The following CENPP variants were observed in gnomAD, a reference collection of about 807,000 sequenced individuals.
The protein encoded by CENPP is centromere protein P.
In CENPP, 24 loss-of-function variants were observed where a neutral mutation model predicts 35.6. The observed-to-expected ratio is 0.67, with a 90% CI of 0.49 to 0.95. The LOEUF is 0.95. Ranked by LOEUF, CENPP falls within the 40% of genes least tolerant of loss-of-function variation. The pLI, the probability that CENPP is intolerant of heterozygous loss-of-function variation, is 0.00. For missense variants in CENPP, 332 were observed against 345.3 expected (o/e 0.96, Z 0.31); for synonymous variants, 120 against 125.5 (o/e 0.96, Z 0.29).
chr9:92,466,375 T>C, intron 5 of CENPP: 1 of 1,603,818 alleles, frequency 6.2e-7, no homozygotes, highest in Non-Finnish European at 8.5e-7. Context: ...GTGTAAAGCA[T>C]TCATTCCTTT....
intron 1 of CENPP, among the ~76,000 whole-genome samples, chr9:92,331,955 A>G (rs961455682): frequency 1.3e-5 from 2 of 152,188 alleles, no homozygotes; most frequent in African/African-American, 4.8e-5. Flanking sequence ...TCTCTTAAAA[A>G]GGAAGAAAGA....
chr9:92,475,597 T>C (rs1845687128), intron 5 of CENPP, among the ~76,000 whole-genome samples: 2 of 152,220 alleles, frequency 1.3e-5, no homozygotes, highest in Non-Finnish European at 2.9e-5. Flanking sequence ...AATCTTTCTA[T>C]TGCCTTAATG....
At chr9:92,423,166 A>C (rs540832461) in intron 5 of CENPP, among the ~76,000 whole-genome samples, 1 of 152,312 alleles carries the variant, frequency 6.6e-6, no homozygotes, top group Admixed American at 6.5e-5. Context: ...TCTATTGAAT[A>C]TTTCTTCATC....
At chr9:92,483,820 C>A (rs142478869) in intron 5 of CENPP, among the ~76,000 whole-genome samples, 174 of 152,316 alleles carry the variant, frequency 1.1e-3, no homozygotes, top group African/African-American at 3.9e-3. Context: ...TAAAGTACTC[C>A]TCCTTGGACC....
intron 5 of CENPP, chr9:92,474,895 C>T: frequency 6.2e-7 from 1 of 1,610,564 alleles, no homozygotes; most frequent in Non-Finnish European, 8.5e-7. Flanking sequence ...CATACTCCTT[C>T]ATGGTGTCTT....
intron 4 of CENPP, among the ~76,000 whole-genome samples, chr9:92,365,287 T>C (rs1300611788): frequency 6.6e-6 from 1 of 152,070 alleles, no homozygotes; most frequent in East Asian, 1.9e-4. Context: ...TCATTGAGAA[T>C]GTGACCTAGG....
At chr9:92,341,117 A>C (rs566601181) in intron 3 of CENPP, among the ~76,000 whole-genome samples, 1 of 152,260 alleles carries the variant, frequency 6.6e-6, no homozygotes, top group East Asian at 1.9e-4. Flanking sequence ...AATATACTCC[A>C]GTCTCCCATA....
intron 5 of CENPP, among the ~76,000 whole-genome samples, chr9:92,526,555 A>C (rs1848421461): frequency 6.6e-6 from 1 of 151,954 alleles, no homozygotes; most frequent in Non-Finnish European, 1.5e-5. Context: ...ACCCAAAATT[A>C]GTGGAAAAAA....
intron 5 of CENPP, among the ~76,000 whole-genome samples, chr9:92,486,621 C>T (rs996534666): frequency 1.3e-5 from 2 of 152,146 alleles, no homozygotes; most frequent in African/African-American, 4.8e-5. Flanking sequence ...CAGGGACTGG[C>T]TTCTGCTGTG....
At chr9:92,337,748 C>A (rs968148187) in intron 3 of CENPP, 119 bp downstream of exon 3, 144 of 721,340 alleles carry the variant, frequency 2.0e-4, no homozygotes, top group Non-Finnish European at 3.0e-4. Context: ...AGGGCCCCCC[C>A]ATTCATAGCA....
intron 5 of CENPP, among the ~76,000 whole-genome samples, chr9:92,576,453 A>G (rs1850284098): frequency 6.6e-6 from 1 of 152,198 alleles, no homozygotes; most frequent in Non-Finnish European, 1.5e-5. Context: ...GAATATATTT[A>G]ATAGCACTAA....
intron 5 of CENPP, among the ~76,000 whole-genome samples, chr9:92,550,267 G>A (rs1588267458): frequency 1.3e-5 from 2 of 152,020 alleles, no homozygotes; most frequent in African/African-American, 4.8e-5. Flanking sequence ...GTGGTGGTGC[G>A]TGCCTGTAGT....
chr9:92,416,740 T>G, intron 5 of CENPP: 1 of 1,613,608 alleles, frequency 6.2e-7, no homozygotes, highest in Non-Finnish European at 8.5e-7. Context: ...AAATATTATA[T>G]GGGATGTCTT....
At chr9:92,525,304 C>T (rs1033047772) in intron 5 of CENPP, among the ~76,000 whole-genome samples, 1 of 149,926 alleles carries the variant, frequency 6.7e-6, no homozygotes, top group East Asian at 1.9e-4. Context: ...GGTAACAGAG[C>T]GAGACTCTGT....
intron 5 of CENPP, among the ~76,000 whole-genome samples, chr9:92,432,737 CA>C (rs1469497898): frequency 2.0e-5 from 3 of 152,206 alleles, no homozygotes; most frequent in African/African-American, 7.2e-5. Context: ...GTTTCTTCTA[CA>C]ATGACTGGTA....
At chr9:92,563,115 T>C (rs1028936097) in intron 5 of CENPP, among the ~76,000 whole-genome samples, 13 of 152,356 alleles carry the variant, frequency 8.5e-5, no homozygotes, top group East Asian at 5.8e-4. Flanking sequence ...ATGGCATTTT[T>C]ATAAGAATTG....
chr9:92,452,166 T>G (rs1479779288), intron 5 of CENPP, among the ~76,000 whole-genome samples: 5 of 151,578 alleles, frequency 3.3e-5, no homozygotes, highest in Non-Finnish European at 7.4e-5. Context: ...AGGGCATCCC[T>G]GTCTTGTGCC....
chr9:92,331,305 C>T (rs945916348), intron 1 of CENPP, among the ~76,000 whole-genome samples: 13 of 152,078 alleles, frequency 8.5e-5, no homozygotes, highest in Admixed American at 2.0e-4. Context: ...CTCAGCCTCC[C>T]GAGTAGCTGG....
intron 5 of CENPP, among the ~76,000 whole-genome samples, chr9:92,567,038 A>G (rs1849983782): frequency 6.6e-6 from 1 of 152,172 alleles, no homozygotes; most frequent in South Asian, 2.1e-4. Flanking sequence ...AAAAGAATAC[A>G]GTACCCAGCA....
Sources: gnomAD v4.1 joint callset for allele counts (sites outside exome capture counted in the v4.1 genomes callset) on GRCh38, gnomAD v4.1.1 for gene constraint, MANE v1.5 for transcripts, NCBI Gene and HGNC (gene_info 2026-07-23, HGNC 2026-07-21) for gene names.